JPH3: variants seen among roughly 807,000 people sequenced by gnomAD.
The protein encoded by JPH3 is junctophilin-3.
Under a neutral mutation model 59.6 loss-of-function variants are expected in JPH3, and 11 were observed. The ratio of observed to expected loss-of-function variants is 0.18; its 90% CI spans 0.12 to 0.31. The LOEUF (loss-of-function observed/expected upper bound fraction) is 0.31, where lower values mean the gene tolerates loss of function less well. Ranked by LOEUF, JPH3 falls within the 10% of genes least tolerant of loss-of-function variation. JPH3 has a pLI of 1.00. For synonymous variants in JPH3, 673 were observed against 483.6 expected (o/e 1.39, Z -5.14); for missense variants, 1,202 against 1,105.7 (o/e 1.09, Z -1.24).
At chr16:87,677,630 TG>T (rs2033185578) in intron 2 of JPH3, among the ~76,000 whole-genome samples, 1 of 152,148 alleles carries the variant, frequency 6.6e-6, no homozygotes, top group Non-Finnish European at 1.5e-5. Flanking sequence ...GTGGACAGCG[TG>T]GCCCCCGTCA....
chr16:87,672,090 G>A (rs1198824578), intron 2 of JPH3, among the ~76,000 whole-genome samples: 1 of 152,112 alleles, frequency 6.6e-6, no homozygotes, highest in African/African-American at 2.4e-5. Context: ...CTCGCCGGGC[G>A]GGGTTCACCT....
chr16:87,611,912 C>T lies in JPH3; in HGVS notation c.382+8384C>T, dbSNP rs946573250. ...CCCTGGGAGACGGTTAGAAATGCAG[C>T]GTGTCAGGCCTGCCTGACCTCCAGG... is the stretch of plus-strand genomic sequence containing the variant. On this transcript the variant is annotated intron_variant, in intron 1 of 4. Coordinates refer to ENST00000284262, the MANE Select transcript of JPH3 (RefSeq NM_020655.4). The surrounding 1 kb of genome is among the most constrained non-coding windows in gnomAD (Gnocchi z 4.5). Among the ~76,000 whole-genome samples the T allele has an allele frequency of 3.3e-5, 5 of 152,210 alleles. No individual in the cohort carries two copies. The highest frequency in any genetic ancestry group is 1.9e-4 in the East Asian group (1 of 5,204).
intron 2 of JPH3, among the ~76,000 whole-genome samples, chr16:87,665,857 T>A (rs1315904894): frequency 6.6e-6 from 1 of 152,214 alleles, no homozygotes; most frequent in African/African-American, 2.4e-5. Flanking sequence ...GTTGGAACAC[T>A]GGTCCCTGGG....
At chr16:87,681,628 C>T (rs1160467542) in intron 2 of JPH3, among the ~76,000 whole-genome samples, 5 of 146,546 alleles carry the variant, frequency 3.4e-5, no homozygotes, top group African/African-American at 5.1e-5. Flanking sequence ...GTCAGGTGCG[C>T]GCGGTCGTGA....
intron 1 of JPH3, among the ~76,000 whole-genome samples, chr16:87,607,369 G>A (rs949437254): frequency 3.9e-5 from 6 of 152,108 alleles, no homozygotes; most frequent in South Asian, 2.1e-4. Context: ...CTCAGGTCCC[G>A]TTCACCGGCC....
At chr16:87,657,067 A>T (rs374312592) in intron 2 of JPH3, among the ~76,000 whole-genome samples, 2 of 152,148 alleles carry the variant, frequency 1.3e-5, no homozygotes, top group Non-Finnish European at 2.9e-5. Context: ...GGCCCTTGTC[A>T]TAGCGGAGGC....
intron 2 of JPH3, among the ~76,000 whole-genome samples, chr16:87,645,785 G>C (rs924029336): frequency 2.0e-5 from 3 of 152,164 alleles, no homozygotes; most frequent in African/African-American, 7.2e-5. Flanking sequence ...GAGTGTGTGA[G>C]CCAGGGGCTG....
In JPH3 at chr16:87,607,703, G is replaced by A. The variant is rs546655878; in HGVS notation, c.382+4175G>A. On this transcript the variant is annotated intron_variant, in intron 1 of 4. Transcript: ENST00000284262. Reference sequence around the variant, plus strand: ...ATCTCAACAAAATAAACTACCATGGGGCGTATGCTTTGTGCTTGGCTATGA... The same window carrying A: ...ATCTCAACAAAATAAACTACCATGGAGCGTATGCTTTGTGCTTGGCTATGA... Among the ~76,000 whole-genome samples the A allele has an allele frequency of 3.3e-4, 51 of 152,280 alleles. 1 individual carries two copies. The South Asian group carries it at 9.5e-3, about 28-fold the overall frequency.
intron 1 of JPH3, among the ~76,000 whole-genome samples, chr16:87,643,630 C>T (rs566070900): frequency 1.3e-5 from 2 of 152,314 alleles, no homozygotes; most frequent in South Asian, 4.1e-4. Flanking sequence ...TCCTTGTGCC[C>T]TTGGCAGGGG....
At chr16:87,655,787 G>C (rs975248589) in intron 2 of JPH3, among the ~76,000 whole-genome samples, 2 of 152,236 alleles carry the variant, frequency 1.3e-5, no homozygotes, top group African/African-American at 4.8e-5. Context: ...AACCAGTCTG[G>C]CCATCTCATG....
intron 1 of JPH3, among the ~76,000 whole-genome samples, chr16:87,612,953 G>T (rs1178091320): frequency 6.6e-6 from 1 of 151,826 alleles, no homozygotes; most frequent in African/African-American, 2.4e-5. Flanking sequence ...ATGAACCTGG[G>T]AGGCGGAGCT....
chr16:87,685,044 C>T (rs939373811), intron 3 of JPH3, among the ~76,000 whole-genome samples: 6 of 152,196 alleles, frequency 3.9e-5, no homozygotes, highest in East Asian at 1.9e-4. Flanking sequence ...AGGCTCTGCG[C>T]GCTGGAGGTC....
chr16:87,631,270 G>T (rs1290303279), intron 1 of JPH3, among the ~76,000 whole-genome samples: 1 of 152,132 alleles, frequency 6.6e-6, no homozygotes, highest in African/African-American at 2.4e-5. Context: ...TCCCTCATTT[G>T]GGTGGAGCAC....
chr16:87,628,472 G>C (rs2031456458), intron 1 of JPH3, among the ~76,000 whole-genome samples: 1 of 152,252 alleles, frequency 6.6e-6, no homozygotes, highest in Non-Finnish European at 1.5e-5. Context: ...GCCTTCGTGA[G>C]TGATGGCCTT....
chr16:87,652,300 C>T (rs932537474), intron 2 of JPH3, among the ~76,000 whole-genome samples: 2 of 152,176 alleles, frequency 1.3e-5, no homozygotes, highest in African/African-American at 4.8e-5. Context: ...CCTCAGCCTT[C>T]GGCACTCACC....
At chr16:87,666,678 T>C (rs2032873196) in intron 2 of JPH3, among the ~76,000 whole-genome samples, 1 of 152,200 alleles carries the variant, frequency 6.6e-6, no homozygotes, top group African/African-American at 2.4e-5. Context: ...CCAGACCCCC[T>C]CCTGCCTTGG....
At chr16:87,669,546 T>C (rs906353686) in intron 2 of JPH3, among the ~76,000 whole-genome samples, 3 of 152,132 alleles carry the variant, frequency 2.0e-5, no homozygotes, top group Non-Finnish European at 4.4e-5. Flanking sequence ...CCTAGCACGG[T>C]GCTCACGACA....
chr16:87,635,836 C>T (rs571649530), intron 1 of JPH3, among the ~76,000 whole-genome samples: 11 of 152,360 alleles, frequency 7.2e-5, no homozygotes, highest in African/African-American at 2.2e-4. Context: ...GTGGCTGCAG[C>T]AGAGCCGGGG....
chr16:87,678,952 C>T (rs543696573), intron 2 of JPH3, among the ~76,000 whole-genome samples: 2 of 152,276 alleles, frequency 1.3e-5, no homozygotes, highest in East Asian at 1.9e-4. Flanking sequence ...TTTTGGACTC[C>T]GGGACTGCAG....
Sources: gnomAD v4.1 joint callset for allele counts (sites outside exome capture counted in the v4.1 genomes callset) on GRCh38, gnomAD v4.1.1 for gene constraint, Gnocchi (gnomAD v3.1) non-coding constraint, MANE v1.5 for transcripts, NCBI Gene and HGNC (gene_info 2026-07-23, HGNC 2026-07-21) for gene names.